The following C1orf87 variants were observed in gnomAD, a reference collection of about 807,000 sequenced individuals.
C1orf87 encodes chromosome 1 open reading frame 87.
C1orf87 carries 58 observed loss-of-function variants against 60.5 expected under a neutral mutation model. That is an observed-to-expected ratio of 0.96 (90% CI 0.78 to 1.19). The LOEUF (loss-of-function observed/expected upper bound fraction) is 1.19, where lower values mean the gene tolerates loss of function less well. Ranked by LOEUF, C1orf87 falls within the 50% of genes most tolerant of loss-of-function variation. The probability of loss-of-function intolerance (pLI) is 0.00; values close to 1 mark genes in which losing one functional copy is unlikely to be tolerated. For missense variants in C1orf87, 673 were observed against 638.6 expected, an observed-to-expected ratio of 1.05 and a Z score of -0.58; for synonymous variants, 236 against 227.4, an observed-to-expected ratio of 1.04 and a Z score of -0.34.
chr1:60,055,755 C>T (rs1334842405), intron 2 of C1orf87, among the ~76,000 whole-genome samples: 1 of 152,126 alleles, frequency 6.6e-6, no homozygotes, highest in African/African-American at 2.4e-5. Flanking sequence ...ACATTTCTTA[C>T]TTGTAAATGT....
intron 9 of C1orf87, among the ~76,000 whole-genome samples, chr1:60,003,615 A>G (rs1645023074): frequency 6.6e-6 from 1 of 152,072 alleles, no homozygotes; most frequent in Non-Finnish European, 1.5e-5. Flanking sequence ...GCCATTTGTT[A>G]TATGGAATTT....
At chr1:60,064,725 TA>T (rs2100331058) in intron 2 of C1orf87, among the ~76,000 whole-genome samples, 2 of 99,400 alleles carry the variant, frequency 2.0e-5, no homozygotes, top group South Asian at 5.3e-4. Context: ...TAAATATATT[TA>T]AATATATTTA....
intron 9 of C1orf87, among the ~76,000 whole-genome samples, chr1:60,009,122 G>A (rs1209710698): frequency 1.3e-5 from 2 of 152,086 alleles, no homozygotes; most frequent in Non-Finnish European, 2.9e-5. Context: ...CTTTTCAGAT[G>A]TAATCAAGTT....
chr1:60,018,258 T>C (rs1645137222), intron 8 of C1orf87, among the ~76,000 whole-genome samples: 1 of 152,238 alleles, frequency 6.6e-6, no homozygotes, highest in Non-Finnish European at 1.5e-5. Flanking sequence ...CAAAAGAAGC[T>C]TTAGCCAATG....
At chr1:59,995,398 G>A (rs751875589) in intron 11 of C1orf87, among the ~76,000 whole-genome samples, 11 of 151,870 alleles carry the variant, frequency 7.2e-5, no homozygotes, top group Non-Finnish European at 8.8e-5. Context: ...GCCTTCCTCC[G>A]CATGTACATT....
chr1:60,054,666 T>G (rs1445702120), intron 3 of C1orf87, among the ~76,000 whole-genome samples: 4 of 152,238 alleles, frequency 2.6e-5, no homozygotes, highest in South Asian at 2.1e-4. Context: ...TACTTGCTTT[T>G]TAATTACAAA....
At chr1:60,004,841 T>C (rs1358842801) in intron 9 of C1orf87, among the ~76,000 whole-genome samples, 1 of 151,932 alleles carries the variant, frequency 6.6e-6, no homozygotes, top group African/African-American at 2.4e-5. Context: ...TTCTGATAGT[T>C]ACGTAGCCAG....
At chr1:60,072,021 C>G (rs183519743) in intron 2 of C1orf87, among the ~76,000 whole-genome samples, 53 of 152,216 alleles carry the variant, frequency 3.5e-4, no homozygotes, top group Non-Finnish European at 1.5e-5. Flanking sequence ...AGTGTCATCT[C>G]TTAAATGTGA....
At chr1:59,991,592 C>T (rs928329634) in intron 11 of C1orf87, among the ~76,000 whole-genome samples, 43 of 151,996 alleles carry the variant, frequency 2.8e-4, no homozygotes, top group African/African-American at 1.0e-3. Flanking sequence ...TCTGTAGTTG[C>T]GGAATACAAA....
chr1:60,043,785 T>G (rs1574318110), intron 3 of C1orf87, among the ~76,000 whole-genome samples: 1 of 70,132 alleles, frequency 1.4e-5, no homozygotes, highest in Non-Finnish European at 3.0e-5. Context: ...CCACACACAA[T>G]TTTTTTTTTT....
chr1:60,011,701 A>C (rs1046452529), intron 8 of C1orf87, among the ~76,000 whole-genome samples: 1 of 152,156 alleles, frequency 6.6e-6, no homozygotes, highest in Non-Finnish European at 1.5e-5. Flanking sequence ...GGGTTTTTAA[A>C]GAAAAGTTCT....
At chr1:60,043,373 C>T (rs113689473) in intron 3 of C1orf87, among the ~76,000 whole-genome samples, 170 of 152,122 alleles carry the variant, frequency 1.1e-3, no homozygotes, top group African/African-American at 4.0e-3. Flanking sequence ...CTGTTCAGTC[C>T]ACAGAGCAAT....
At chr1:60,071,283 G>C (rs1645582688) in intron 2 of C1orf87, among the ~76,000 whole-genome samples, 1 of 152,156 alleles carries the variant, frequency 6.6e-6, no homozygotes, top group South Asian at 2.1e-4. Flanking sequence ...AAGGTGCTTT[G>C]CATACTTTTT....
chr1:60,066,800 A>G (rs896757151), intron 2 of C1orf87, among the ~76,000 whole-genome samples: 3 of 151,866 alleles, frequency 2.0e-5, no homozygotes, highest in African/African-American at 7.3e-5. Flanking sequence ...TACATTAGGT[A>G]TTTCTTCTAA....
rs142579489 is a variant in C1orf87 at position 60,071,537 on chromosome 1, C to T, written c.107+1000G>A. On this transcript the variant is annotated intron_variant, in intron 2 of 11. Transcript: ENST00000371201. The stretch of plus-strand genomic sequence containing the variant: ...GACATTACTAACTGATTATAGCAGT[C>T]ACTTTGGAATCCCTCTAGACCTTAC... Among the ~76,000 whole-genome samples, 1,024 of 152,316 alleles carry T rather than the reference C, an allele frequency of 6.7e-3. 9 individuals are homozygous for T. Among genetic ancestry groups the T allele is most frequent in the Non-Finnish European group, 9.0e-3 (612 of 68,010 alleles).
Position 59,997,818 on chromosome 1 carries a change from T to C in C1orf87, c.1273-2A>G, listed in dbSNP as rs556777706. Reference sequence around the variant, plus strand: ...CTGCAGCTCCTCTTCTGGAGTTTTCTACCAAAACAACAAAAGCATTGGCAA... The same window carrying C: ...CTGCAGCTCCTCTTCTGGAGTTTTCCACCAAAACAACAAAAGCATTGGCAA... On this transcript the variant is annotated splice_acceptor_variant, in intron 10 of 11. Transcript: ENST00000371201. LOFTEE classifies it high-confidence loss of function. 6.2e-7 allele frequency: 1 copy of C among 1,612,594 alleles called. No homozygotes were observed. Among genetic ancestry groups the C allele is most frequent in the East Asian group, 2.2e-5 (1 of 44,812 alleles).
chr1:60,004,906 G>T (rs1408399395), intron 9 of C1orf87, among the ~76,000 whole-genome samples: 1 of 151,908 alleles, frequency 6.6e-6, no homozygotes, highest in Non-Finnish European at 1.5e-5. Flanking sequence ...AGCACTGGCT[G>T]CATGTTAGAC....
At chr1:60,032,992 T>C (rs771404014) in intron 7 of C1orf87, among the ~76,000 whole-genome samples, 4 of 152,158 alleles carry the variant, frequency 2.6e-5, no homozygotes, top group East Asian at 3.9e-4. Flanking sequence ...AGAAGTTCCA[T>C]GAGTTTTTAT....
At chr1:60,007,891 G>C (rs139250237) in intron 9 of C1orf87, among the ~76,000 whole-genome samples, 310 of 152,096 alleles carry the variant, frequency 2.0e-3, no homozygotes, top group African/African-American at 6.8e-3. Context: ...TGAGTGCAGA[G>C]AGGTCCTAGG....
Sources: gnomAD v4.1 joint callset for allele counts (sites outside exome capture counted in the v4.1 genomes callset) on GRCh38, gnomAD v4.1.1 for gene constraint, MANE v1.5 for transcripts, NCBI Gene and HGNC (gene_info 2026-07-23, HGNC 2026-07-21) for gene names.